The following EMC9 variants were observed in gnomAD, a reference collection of about 807,000 sequenced individuals.
EMC9 encodes UPF0172 protein FAM158A.
A neutral mutation model predicts 25.0 loss-of-function variants in EMC9; 20 were observed. The ratio of observed to expected loss-of-function variants is 0.80; its 90% CI spans 0.56 to 1.16. The LOEUF is 1.16. EMC9 is among the 50% of genes most tolerant of loss of function. EMC9 has a pLI of 0.00. For missense variants in EMC9, 256 were observed against 268.7 expected, an observed-to-expected ratio of 0.95 and a Z score of 0.33; for synonymous variants, 100 against 107.0, an observed-to-expected ratio of 0.93 and a Z score of 0.40.
chr14:24,139,996 T>A lies in EMC9; in HGVS notation c.276-382A>T, dbSNP rs1394575598. The A allele has an allele frequency of 2.6e-6, 1 of 381,246 alleles. No homozygotes were observed. The highest frequency in any genetic ancestry group is 7.1e-5 in the East Asian group (1 of 14,080). 23.6% of individuals were successfully genotyped at this position (381,246 alleles called of 1,614,324 possible). On this transcript the variant is annotated intron_variant, in intron 3 of 5. Coordinates refer to ENST00000216799, the MANE Select transcript of EMC9 (RefSeq NM_016049.4). The surrounding 1 kb of genome is among the most constrained non-coding windows in gnomAD (Gnocchi z 4.6). ...CTGGAAACAACCTCAATGTTTAAAGTATTAAATAAATTAGAGTACATTCAT... is the reference window on the plus strand; with the variant it reads ...CTGGAAACAACCTCAATGTTTAAAGAATTAAATAAATTAGAGTACATTCAT...
chr14:24,139,448 T>A lies in EMC9; in HGVS notation c.352A>T (p.Asn118Tyr). The A allele has an allele frequency of 6.2e-7, 1 of 1,614,166 alleles. No individual in the cohort carries two copies. The highest frequency in any genetic ancestry group is 8.5e-7 in the Non-Finnish European group (1 of 1,180,026). The change falls in exon 5 of 6, where the codon AAT (asparagine) becomes TAT (tyrosine). Residue 118 changes from asparagine to tyrosine, a missense_variant. By Grantham distance (143) the Asn-to-Tyr change is moderately radical. Transcript: ENST00000216799. This position sits in a 1 kb window ranked among gnomAD's most constrained non-coding sequence, Gnocchi z 4.6. ...CGAGGCTGAGGCACCAGTTTCTGAT[T>A]ATCCAACTGAGTGGACAAAGATGGG... ...FPDAVLIMLDNQKLVPQPRVP... is the reference protein window; with the variant it reads ...FPDAVLIMLDYQKLVPQPRVP...
chr14:24,139,701 G>A lies in EMC9; in HGVS notation c.276-87C>T, dbSNP rs2038003691. The stretch of plus-strand genomic sequence containing the variant: ...GCTGGGCCTCCCAGGTCTCATAGGT[G>A]TGGGCGCAGCTGTGGCCTTTCCCTG... On this transcript the variant is annotated intron_variant, in intron 3 of 5. Coordinates refer to ENST00000216799, the MANE Select transcript of EMC9 (RefSeq NM_016049.4). The surrounding 1 kb of genome is among the most constrained non-coding windows in gnomAD (Gnocchi z 4.6). 3 of 1,560,866 alleles carry A rather than the reference G, an allele frequency of 1.9e-6. No individual in the cohort carries two copies. The highest frequency in any genetic ancestry group is 2.6e-6 in the Non-Finnish European group (3 of 1,152,500).
rs2038054343 is a variant in EMC9, at chr14:24,141,253, C to CA, written c.51dup (p.Ala18CysfsTer93). 6.2e-7 allele frequency: 1 copy of CA among 1,614,154 alleles called. No homozygotes were observed. On this transcript the variant is annotated frameshift_variant, in exon 2 of 6. Transcript: ENST00000216799. LOFTEE classifies it high-confidence loss of function. Reference sequence around the variant, plus strand: ...ACTGCGGCGTGTGGGTACCGGGCAGCATGCAGGCACATCTTCACGTAGGCC... The same window carrying CA: ...ACTGCGGCGTGTGGGTACCGGGCAGCAATGCAGGCACATCTTCACGTAGGCC...
chr14:24,138,995 C>T lies in EMC9; in HGVS notation c.*15G>A. On this transcript the variant is annotated 3_prime_UTR_variant, in exon 6 of 6. Transcript: ENST00000216799. ...CCAAGTCTCTTTATTGGAACCGGGC[C>T]CCGCTGGCCCTGGCTCAGGCATTTC... is the stretch of plus-strand genomic sequence containing the variant. 1.2e-6 allele frequency: 2 copies of T among 1,612,352 alleles called. No homozygotes were observed. The highest frequency in any genetic ancestry group is 1.1e-5 in the South Asian group (1 of 91,002).
At position 24,138,993 on chromosome 14, in the gene EMC9, GC is replaced by G; in HGVS notation, c.*16del. ...GCCCAAGTCTCTTTATTGGAACCGG[GC>G]CCCGCTGGCCCTGGCTCAGGCATTT... On this transcript the variant is annotated 3_prime_UTR_variant, in exon 6 of 6. Transcript: ENST00000216799. The G allele has an allele frequency of 6.2e-7, 1 of 1,612,122 alleles. No individual in the cohort carries two copies. The highest frequency in any genetic ancestry group is 8.5e-7 in the Non-Finnish European group (1 of 1,179,612).
rs774212286 is a variant in EMC9 at position 24,139,349 on chromosome 14, G to A, written c.440+11C>T. ...GCTTCTAAGAAGAGGTAGAGGGAGT[G>A]GGGTACTCACAAGTTCTTATCCTTA... On this transcript the variant is annotated intron_variant, in intron 5 of 5. Transcript: ENST00000216799. This position sits in a 1 kb window ranked among gnomAD's most constrained non-coding sequence, Gnocchi z 4.6. 19 of 1,613,316 alleles carry A rather than the reference G, an allele frequency of 1.2e-5. 1 individual carries two copies. In the East Asian group the frequency reaches 4.0e-4, roughly 34 times the overall value.
chr14:24,138,990 C>G lies in EMC9; in HGVS notation c.*20G>C. ...TCAGCCCAAGTCTCTTTATTGGAAC[C>G]GGGCCCCGCTGGCCCTGGCTCAGGC... is the stretch of plus-strand genomic sequence containing the variant. On this transcript the variant is annotated 3_prime_UTR_variant, in exon 6 of 6. Transcript: ENST00000216799. 2.5e-6 allele frequency: 4 copies of G among 1,611,874 alleles called. No homozygotes were observed. The highest frequency in any genetic ancestry group is 3.4e-6 in the Non-Finnish European group (4 of 1,179,398).
Position 24,139,313 on chromosome 14 carries a change from A to AG in EMC9, c.440+46dup. On this transcript the variant is annotated intron_variant, in intron 5 of 5. Coordinates refer to ENST00000216799, the MANE Select transcript of EMC9 (RefSeq NM_016049.4). This position sits in a 1 kb window ranked among gnomAD's most constrained non-coding sequence, Gnocchi z 4.6. ...GCAGGGCCAAGGACAGAGGAGACCC[A>AG]GGAGCCTTGGGCTTCTAAGAAGAGG... The AG allele has an allele frequency of 6.2e-7, 1 of 1,606,286 alleles. No individual in the cohort carries two copies. The highest frequency in any genetic ancestry group is 8.5e-7 in the Non-Finnish European group (1 of 1,174,754).
In EMC9 at chr14:24,141,199, G is replaced by A. The variant is rs759600285; in HGVS notation, c.106C>T (p.Arg36Trp). 3 of 1,614,048 alleles carry A rather than the reference G, an allele frequency of 1.9e-6. No homozygotes were observed. In the African/African-American group the frequency reaches 4.0e-5, roughly 22 times the overall value. Residue 36 changes from arginine to tryptophan, a missense_variant, in exon 2 of 6, where the codon CGG becomes TGG. Coordinates refer to ENST00000216799, the MANE Select transcript of EMC9 (RefSeq NM_016049.4). ...GTGAGGCACAGGCATTCTCCAGACCGCGGCGCTGGCGCCAAAAACAGCCCG... is the reference window on the plus strand; with the variant it reads ...GTGAGGCACAGGCATTCTCCAGACCACGGCGCTGGCGCCAAAAACAGCCCG... ...VNGLFLAPAP[R>W]SGECLCLTDC...
chr14:24,141,096 A>G lies in EMC9; in HGVS notation c.198+11T>C. On this transcript the variant is annotated intron_variant, in intron 2 of 5. Transcript: ENST00000216799. ...GGTTCGCGGTGGGGGATGGGCATCCAACGGAGGCACCTGGTTGAGGGCGAC... is the reference window on the plus strand; with the variant it reads ...GGTTCGCGGTGGGGGATGGGCATCCGACGGAGGCACCTGGTTGAGGGCGAC... The G allele has an allele frequency of 1.2e-6, 2 of 1,614,020 alleles. No individual in the cohort carries two copies. Among genetic ancestry groups the G allele is most frequent in the Non-Finnish European group, 1.7e-6 (2 of 1,180,032 alleles).
In EMC9 at chr14:24,140,985, A is replaced by C; in HGVS notation, c.199-20T>G. On this transcript the variant is annotated intron_variant, in intron 2 of 5. Transcript: ENST00000216799. ...ATCCACCTGTCGTAGGAAAGGGGCC[A>C]TCAGTAATTAAATTGTGCCGCTGGC... 5 of 1,614,238 alleles carry C rather than the reference A, an allele frequency of 3.1e-6. No homozygotes were observed. The highest frequency in any genetic ancestry group is 4.2e-6 in the Non-Finnish European group (5 of 1,180,038).
Position 24,139,124 on chromosome 14 carries a change from G to A in EMC9, c.513C>T (p.His171=). 6.2e-7 allele frequency: 1 copy of A among 1,614,140 alleles called. No homozygotes were observed. Among genetic ancestry groups the A allele is most frequent in the Non-Finnish European group, 8.5e-7 (1 of 1,180,022 alleles). The change falls in exon 6 of 6, where the codon CAC becomes CAT. Residue 171 remains histidine (H), a synonymous_variant. Transcript: ENST00000216799. The surrounding 1 kb of genome is among the most constrained non-coding windows in gnomAD (Gnocchi z 4.6). ...CAAGGTGGCAGTCAAAGTCCACAAGGTGCTGGTGGGCCCGATCTTCCAGTA... is the reference window on the plus strand; with the variant it reads ...CAAGGTGGCAGTCAAAGTCCACAAGATGCTGGTGGGCCCGATCTTCCAGTA... The part of the protein sequence containing the change: ...GALLEDRAHQ[H]LVDFDCHLDD...
chr14:24,140,318 C>T (rs113926547), intron 3 of EMC9: 5 of 152,686 alleles, frequency 3.3e-5, no homozygotes, highest in African/African-American at 9.6e-5. Flanking sequence ...CCTGTAATCC[C>T]AGCACTTTGG....
Position 24,141,462 on chromosome 14 carries a change from C to G in EMC9, c.-37G>C. ...CTTCGGTTCGGCGACAACGCTAACT[C>G]GACTCGCAGGTAGCCCGCCGGCTCC... On this transcript the variant is annotated 5_prime_UTR_variant, in exon 1 of 6. Coordinates refer to ENST00000216799, the MANE Select transcript of EMC9 (RefSeq NM_016049.4). 1 of 802,768 alleles carries G rather than the reference C, an allele frequency of 1.2e-6. No homozygotes were observed. The highest frequency in any genetic ancestry group is 2.0e-6 in the Non-Finnish European group (1 of 507,110). The allele number at this position is 802,768 out of a possible 1,614,324, so 49.7% of individuals were successfully genotyped here.
intron 3 of EMC9, chr14:24,140,593 C>CAA (rs769828039): frequency 1.8e-3 from 341 of 192,720 alleles, no homozygotes; most frequent in East Asian, 3.7e-3. Context: ...GACTCCGTCT[C>CAA]AAAAAAAAAA....
Position 24,139,265 on chromosome 14 carries a change from G to A in EMC9, c.441-69C>T. ...TCCAGACACAGACTTAACAGAGATTGGGTCTAGAGAAAGACCCTTGGGGCA... is the reference window on the plus strand; with the variant it reads ...TCCAGACACAGACTTAACAGAGATTAGGTCTAGAGAAAGACCCTTGGGGCA... On this transcript the variant is annotated intron_variant, in intron 5 of 5. Coordinates refer to ENST00000216799, the MANE Select transcript of EMC9 (RefSeq NM_016049.4). This position sits in a 1 kb window ranked among gnomAD's most constrained non-coding sequence, Gnocchi z 4.6. 1 of 1,601,786 alleles carries A rather than the reference G, an allele frequency of 6.2e-7. No individual in the cohort carries two copies. The highest frequency in any genetic ancestry group is 1.3e-5 in the African/African-American group (1 of 74,716).
chr14:24,139,535 C>T lies in EMC9; in HGVS notation c.345+10G>A. 1 of 1,613,104 alleles carries T rather than the reference C, an allele frequency of 6.2e-7. No homozygotes were observed. The highest frequency in any genetic ancestry group is 1.1e-5 in the South Asian group (1 of 90,962). On this transcript the variant is annotated intron_variant, in intron 4 of 5. Transcript: ENST00000216799. This position sits in a 1 kb window ranked among gnomAD's most constrained non-coding sequence, Gnocchi z 4.6. ...CTTTTCACCTCCCCACCCAGAAACC[C>T]AAGCCTCACCATAATAAGTACTGCA...
Position 24,139,509 on chromosome 14 carries a change from G to C in EMC9, c.345+36C>G. 6.2e-7 allele frequency: 1 copy of C among 1,612,630 alleles called. No individual in the cohort carries two copies. The highest frequency in any genetic ancestry group is 8.5e-7 in the Non-Finnish European group (1 of 1,179,062). ...TTTCAAGGGTCCCCCCACCCTACTT[G>C]CTTTTCACCTCCCCACCCAGAAACC... On this transcript the variant is annotated intron_variant, in intron 4 of 5. Coordinates refer to ENST00000216799, the MANE Select transcript of EMC9 (RefSeq NM_016049.4). The surrounding 1 kb of genome is among the most constrained non-coding windows in gnomAD (Gnocchi z 4.6).
Position 24,139,400 on chromosome 14 carries a change from C to A in EMC9, c.400G>T (p.Glu134Ter). ...GGGACCCAGCGGAGACCTTGGTTCT[C>A]CAGGACGATGACCGGGGGCACACGA... ...QPRVPPVIVL[E>*]NQGLRWVPKD... Residue 134 changes from glutamate to a stop codon, truncating the protein, a stop_gained, in exon 5 of 6, where the codon GAG becomes TAG. Transcript: ENST00000216799. LOFTEE classifies it high-confidence loss of function. This position sits in a 1 kb window ranked among gnomAD's most constrained non-coding sequence, Gnocchi z 4.6. 1 of 1,614,116 alleles carries A rather than the reference C, an allele frequency of 6.2e-7. No homozygotes were observed. The highest frequency in any genetic ancestry group is 2.2e-5 in the East Asian group (1 of 44,880).
Sources: gnomAD v4.1 joint callset for allele counts on GRCh38, gnomAD v4.1.1 for gene constraint, Gnocchi (gnomAD v3.1) non-coding constraint, MANE v1.5 for transcripts, NCBI Gene and HGNC (gene_info 2026-07-23, HGNC 2026-07-21) for gene names.